Variants in RASIP1 observed in about 807,000 individuals in gnomAD.
RASIP1 encodes Ras interacting protein 1, also known as ras-interacting protein 1.
In RASIP1, 20 loss-of-function variants were observed where a neutral mutation model predicts 85.3. The ratio of observed to expected loss-of-function variants is 0.23; its 90% CI spans 0.17 to 0.34. RASIP1 has a LOEUF of 0.34. Among genes scored for constraint, RASIP1 ranks in the 10% least tolerant of loss-of-function variants. The probability of loss-of-function intolerance (pLI) is 1.00; values close to 1 mark genes in which losing one functional copy is unlikely to be tolerated. For synonymous variants in RASIP1, 617 were observed against 647.1 expected (o/e 0.95, Z 0.71); for missense variants, 1,170 against 1,390.9 (o/e 0.84, Z 2.53).
chr19:48,729,532 G>A lies in RASIP1; in HGVS notation c.1238C>T (p.Ser413Leu), dbSNP rs1417924470. Residue 413 changes from serine (S) to leucine (L), a missense_variant, in exon 5 of 12, where the codon TCG (serine) becomes TTG (leucine). Physicochemically the swap from Ser to Leu is moderately radical, Grantham distance 145. Around this residue, in one of 4 missense-constraint regions of RASIP1, gnomAD observed 301 missense variants for 294.8 expected, o/e 1.02. Transcript: ENST00000222145. ...EQHVFGRGGN[S>L]SGRGGSPAPY... The stretch of plus-strand genomic sequence containing the variant: ...AGCCGGGGACCCCCCGCGGCCAGAC[G>A]AGTTCCCACCTCGCCCAAACACGTG... The A allele has an allele frequency of 1.9e-6, 3 of 1,601,500 alleles. No homozygotes were observed. The highest frequency in any genetic ancestry group is 2.3e-5 in the East Asian group (1 of 44,128).
chr19:48,724,645 G>T lies in RASIP1; in HGVS notation c.2371+72C>A. The T allele has an allele frequency of 1.9e-6, 3 of 1,593,208 alleles. No homozygotes were observed. The highest frequency in any genetic ancestry group is 1.7e-5 in the Admixed American group (1 of 59,054). On this transcript the variant is annotated intron_variant, in intron 9 of 11. Transcript: ENST00000222145. The surrounding 1 kb of genome is among the most constrained non-coding windows in gnomAD (Gnocchi z 4.6). ...CCCAAAGGTGAGGCTTGAGCCCGTG[G>T]TGTGTCTAATATGACCTGAGTCTCA...
intron 3 of RASIP1, chr19:48,737,456 C>A (rs2033593551): frequency 1.0e-6 from 1 of 985,340 alleles, no homozygotes; most frequent in Admixed American, 6.1e-5. Flanking sequence ...ACTCTACCTT[C>A]TGTTCCAGGC....
rs2033651706 is a variant in RASIP1 at position 48,740,368 on chromosome 19, G to A, written c.-4-82C>T. On this transcript the variant is annotated intron_variant, in intron 1 of 11. Coordinates refer to ENST00000222145, the MANE Select transcript of RASIP1 (RefSeq NM_017805.3). This position sits in a 1 kb window ranked among gnomAD's most constrained non-coding sequence, Gnocchi z 5.5. ...GAGGGAACCTGGACTCCGAGTCAGA[G>A]GGAGGAGGGGGCTGGGGCTCAGACT... The A allele has an allele frequency of 1.9e-5, 28 of 1,490,404 alleles. 2 individuals carry two copies. In the South Asian group the frequency reaches 2.1e-4, roughly 11 times the overall value. 92.3% of individuals were successfully genotyped at this position (1,490,404 alleles called of 1,614,324 possible).
In RASIP1 at chr19:48,739,441, G is replaced by GC; in HGVS notation, c.341dup (p.Ala115ArgfsTer217). On this transcript the variant is annotated frameshift_variant, in exon 3 of 12. Transcript: ENST00000222145. LOFTEE classifies it high-confidence loss of function. The surrounding 1 kb of genome is among the most constrained non-coding windows in gnomAD (Gnocchi z 9.2). ...TCTTCTCGCTGGCCCAGCGCTGCGCGCCCCCCGGGGTCCCAGGGCCTCCTG... is the reference window on the plus strand; with the variant it reads ...TCTTCTCGCTGGCCCAGCGCTGCGCGCCCCCCCGGGGTCCCAGGGCCTCCTG... 7 of 1,447,816 alleles carry GC rather than the reference G, an allele frequency of 4.8e-6. No individual in the cohort carries two copies. The highest frequency in any genetic ancestry group is 3.0e-5 in the East Asian group (1 of 33,176). 89.7% of individuals were successfully genotyped at this position (1,447,816 alleles called of 1,614,324 possible).
chr19:48,734,244 G>A (rs1017624948), intron 4 of RASIP1, among the ~76,000 whole-genome samples: 5 of 151,742 alleles, frequency 3.3e-5, no homozygotes, highest in African/African-American at 4.8e-5. Flanking sequence ...GCAGTGAGCC[G>A]AGATCGCGCC....
chr19:48,731,258 C>G (rs747027800), intron 4 of RASIP1, among the ~76,000 whole-genome samples: 4 of 151,994 alleles, frequency 2.6e-5, no homozygotes, highest in African/African-American at 9.7e-5. Flanking sequence ...TTCCCACCCC[C>G]CTAACAGAGG....
Position 48,735,394 on chromosome 19 carries a change from C to T in RASIP1, c.981G>A (p.Val327=). 1.2e-6 allele frequency: 2 copies of T among 1,613,044 alleles called. No homozygotes were observed. The highest frequency in any genetic ancestry group is 1.7e-6 in the Non-Finnish European group (2 of 1,179,786). Reference sequence around the variant, plus strand: ...GCCGCCCCTGAAGGCTAAGCTCCGACACGCTGCGCCGCAAAGACAAGTTTT... The same window carrying T: ...GCCGCCCCTGAAGGCTAAGCTCCGATACGCTGCGCCGCAAAGACAAGTTTT... ...RSENLSLRRS[V]SELSLQGRRR... The change falls in exon 4 of 12, where the codon GTG becomes GTA. Residue 327 remains valine, a synonymous_variant. Coordinates refer to ENST00000222145, the MANE Select transcript of RASIP1 (RefSeq NM_017805.3).
rs34354498 is a variant in RASIP1 at position 48,724,802 on chromosome 19, C to T, written c.2286G>A (p.Glu762=). ...TCTGAGACACGAGGTCAGGGTGCAG[C>T]TCGCACTGGCTGGTCAGCTCCAAGG... ...QAALELTSQC[E]LHPDLVSQTF... Residue 762 remains glutamate, a synonymous_variant, in exon 9 of 12, where the codon GAG becomes GAA. Transcript: ENST00000222145. This position sits in a 1 kb window ranked among gnomAD's most constrained non-coding sequence, Gnocchi z 4.6. 50,853 of 1,614,212 alleles carry T rather than the reference C, an allele frequency of 0.032. 914 individuals are homozygous for T. The highest frequency in any genetic ancestry group is 0.037 in the Non-Finnish European group (43,645 of 1,180,030).
intron 3 of RASIP1, among the ~76,000 whole-genome samples, chr19:48,736,168 C>T (rs553982371): frequency 1.3e-5 from 2 of 151,386 alleles, no homozygotes; most frequent in East Asian, 2.0e-4. Context: ...GTAATCCCAG[C>T]ACTTTGGGAG....
intron 11 of RASIP1, 126 bp from the exon 12 acceptor site, chr19:48,721,123 C>CG (rs1270949144): frequency 2.4e-6 from 2 of 829,030 alleles, no homozygotes; most frequent in African/African-American, 1.7e-5. Context: ...ACTCCTGGGG[C>CG]GGGGTCCGTT....
At chr19:48,726,076 G>A (rs150939824) in intron 8 of RASIP1, among the ~76,000 whole-genome samples, 1,777 of 152,078 alleles carry the variant, frequency 0.012, 48 homozygotes, top group African/African-American at 0.041. Context: ...GCAGGCACGC[G>A]CTACCATACC....
At chr19:48,727,551 TG>T in intron 5 of RASIP1, 121 bp from the exon 6 acceptor site, 1 of 1,091,194 alleles carries the variant, frequency 9.2e-7, no homozygotes, top group Admixed American at 2.1e-5. Context: ...TTCTTAGAGA[TG>T]GGGTCTTACT....
In RASIP1 at chr19:48,720,890, G is replaced by C. The variant is rs765600142; in HGVS notation, c.2800C>G (p.Leu934Val). ...CAGAGGAGGCGGCGGAGCCTACGGAGTTCACGGTGCAAGGCATCGTCCGTC... is the reference window on the plus strand; with the variant it reads ...CAGAGGAGGCGGCGGAGCCTACGGACTTCACGGTGCAAGGCATCGTCCGTC... ...PVTDDALHRE[L>V]RRLRRLLWDL... The change falls in exon 12 of 12, where the codon CTC becomes GTC. Residue 934 changes from leucine to valine, a missense_variant. By Grantham distance (32) the Leu-to-Val change is conservative. This residue lies in a region of RASIP1 where 144 missense variants were observed against 125.5 expected (regional missense o/e 1.15). Transcript: ENST00000222145. The C allele has an allele frequency of 6.2e-7, 1 of 1,613,912 alleles. No homozygotes were observed. Among genetic ancestry groups the C allele is most frequent in the Non-Finnish European group, 8.5e-7 (1 of 1,180,018 alleles).
In RASIP1 at chr19:48,729,103, A is replaced by G; in HGVS notation, c.1667T>C (p.Leu556Pro). ...RFRPREEEAL[L>P]GEIVRAAAAG... ...GGCTGCGGCGCGCACGATCTCGCCC[A>G]GCAGCGCCTCCTCCTCGCGCGGCCG... Residue 556 changes from leucine (L) to proline (P), a missense_variant, in exon 5 of 12, where the codon CTG (leucine) becomes CCG (proline). By Grantham distance (98) the Leu-to-Pro change is moderately conservative. This residue lies in a region of RASIP1 where 426 missense variants were observed against 576.2 expected (regional missense o/e 0.74). Coordinates refer to ENST00000222145, the MANE Select transcript of RASIP1 (RefSeq NM_017805.3). The G allele has an allele frequency of 7.3e-7, 1 of 1,372,402 alleles. No individual in the cohort carries two copies. The highest frequency in any genetic ancestry group is 9.3e-7 in the Non-Finnish European group (1 of 1,069,946). 85.0% of individuals were successfully genotyped at this position (1,372,402 alleles called of 1,614,324 possible). A position where few individuals can be genotyped will look rare whatever the true frequency, so the allele number is the denominator to read the frequency against.
At chr19:48,734,418 A>C (rs1445714826) in intron 4 of RASIP1, among the ~76,000 whole-genome samples, 1 of 150,634 alleles carries the variant, frequency 6.6e-6, no homozygotes, top group Non-Finnish European at 1.5e-5. Flanking sequence ...AGCTCAAGAG[A>C]TCCTCCTGCC....
At position 48,720,836 on chromosome 19, in the gene RASIP1, T is replaced by TG. The variant is rs751947581; in HGVS notation, c.2853dup (p.Asn952GlnfsTer24). 6.8e-6 allele frequency: 11 copies of TG among 1,613,882 alleles called. No homozygotes were observed. Among genetic ancestry groups the TG allele is most frequent in the Non-Finnish European group, 9.3e-6 (11 of 1,180,018 alleles). On this transcript the variant is annotated frameshift_variant, in exon 12 of 12. Transcript: ENST00000222145. LOFTEE classifies it high-confidence loss of function. ...GCCACGGGAGGCCCATGGCGATAATTGGCTGGCAGCTCCTGCTGCTCAAGA... is the reference window on the plus strand; with the variant it reads ...GCCACGGGAGGCCCATGGCGATAATTGGGCTGGCAGCTCCTGCTGCTCAAGA...
rs2033397970 is a variant in RASIP1 at position 48,729,113 on chromosome 19, C to A, written c.1657G>T (p.Glu553Ter). ...CGCACGATCTCGCCCAGCAGCGCCT[C>A]CTCCTCGCGCGGCCGGAAGCGCAGG... ...PVLRFRPREEEALLGEIVRAA... is the reference protein window; with the variant it reads ...PVLRFRPREE The change falls in exon 5 of 12, where the codon GAG (glutamate) becomes TAG (stop). Residue 553 changes from glutamate (E) to a stop codon, truncating the protein, a stop_gained. Coordinates refer to ENST00000222145, the MANE Select transcript of RASIP1 (RefSeq NM_017805.3). LOFTEE classifies it high-confidence loss of function. The A allele has an allele frequency of 1.5e-6, 2 of 1,367,532 alleles. No individual in the cohort carries two copies. The highest frequency in any genetic ancestry group is 1.9e-6 in the Non-Finnish European group (2 of 1,065,470). 84.7% of individuals were successfully genotyped at this position (1,367,532 alleles called of 1,614,324 possible).
At position 48,720,713 on chromosome 19, in the gene RASIP1, C is replaced by A; in HGVS notation, c.*85G>T. Reference sequence around the variant, plus strand: ...TCCACGCGGGATAAGAACTACAACTCCCAGAAAGCTTTGCGCTCAGGCGGG... The same window carrying A: ...TCCACGCGGGATAAGAACTACAACTACCAGAAAGCTTTGCGCTCAGGCGGG... On this transcript the variant is annotated 3_prime_UTR_variant, in exon 12 of 12. Coordinates refer to ENST00000222145, the MANE Select transcript of RASIP1 (RefSeq NM_017805.3). 6.9e-7 allele frequency: 1 copy of A among 1,443,544 alleles called. No individual in the cohort carries two copies. Among genetic ancestry groups the A allele is most frequent in the South Asian group, 1.2e-5 (1 of 84,874 alleles). The allele number at this position is 1,443,544 out of a possible 1,614,324, so 89.4% of individuals were successfully genotyped here.
chr19:48,737,671 G>T, intron 3 of RASIP1: 1 of 985,170 alleles, frequency 1.0e-6, no homozygotes, highest in South Asian at 4.7e-5. Flanking sequence ...CACCCACATA[G>T]GCCCTGCTCA....
Sources: allele counts gnomAD v4.1 joint callset (sites outside exome capture counted in the v4.1 genomes callset), GRCh38; gene constraint gnomAD v4.1.1; regional missense constraint gnomAD v4.1.1; non-coding constraint Gnocchi (gnomAD v3.1); transcripts MANE v1.5; gene names NCBI Gene and HGNC (gene_info 2026-07-23, HGNC 2026-07-21).